Variants in CEP128 observed in about 807,000 individuals in gnomAD.
CEP128 encodes centrosomal protein 128kDa.
CEP128 carries 132 observed loss-of-function variants against 156.7 expected under a neutral mutation model. The observed-to-expected ratio is 0.84, with a 90% CI of 0.73 to 0.97. CEP128 has a LOEUF of 0.97. CEP128 is among the 50% of genes least tolerant of loss of function. The pLI, the probability that CEP128 is intolerant of heterozygous loss-of-function variation, is 0.00. For missense variants in CEP128, 1,252 were observed against 1,281.9 expected (o/e 0.98, Z 0.36); for synonymous variants, 469 against 448.9 (o/e 1.04, Z -0.57).
At chr14:80,766,334 A>AAC (rs1285959010) in intron 16 of CEP128, among the ~76,000 whole-genome samples, 7 of 152,102 alleles carry the variant, frequency 4.6e-5, no homozygotes, top group African/African-American at 1.4e-4. Context: ...TCTCATGATA[A>AAC]ACACACACAC....
chr14:80,866,178 G>C (rs1887758810), intron 8 of CEP128, among the ~76,000 whole-genome samples: 1 of 151,972 alleles, frequency 6.6e-6, no homozygotes, highest in South Asian at 2.1e-4. Flanking sequence ...CACAGGCTCT[G>C]GGCCTTCCCC....
At position 80,810,697 on chromosome 14, in the gene CEP128, C is replaced by CTTTGGGAAGA. The variant is rs1305249999; in HGVS notation, c.1210-17597_1210-17588dup. On this transcript the variant is annotated intron_variant, in intron 13 of 24. Transcript: ENST00000555265. ...GCCACCTCTTCAGTTTTTAAAAATA[C>CTTTGGGAAGA]TTTGGGAAGATTGGTATTAGTTCTC... Among the ~76,000 whole-genome samples, 36 of 152,194 alleles carry CTTTGGGAAGA rather than the reference C, an allele frequency of 2.4e-4. No individual in the cohort carries two copies. In the East Asian group the frequency reaches 6.6e-3, roughly 28 times the overall value.
intron 13 of CEP128, among the ~76,000 whole-genome samples, chr14:80,826,633 T>C (rs1885496551): frequency 6.6e-6 from 1 of 152,154 alleles, no homozygotes; most frequent in African/African-American, 2.4e-5. Context: ...TTCTTTTTTA[T>C]ACCATCCTCT....
intron 9 of CEP128, among the ~76,000 whole-genome samples, chr14:80,856,648 C>T (rs891988992): frequency 8.7e-5 from 13 of 149,664 alleles, no homozygotes; most frequent in African/African-American, 2.7e-4. Flanking sequence ...CATAAAAGTG[C>T]TCTGGAGTGT....
At chr14:80,556,759 G>C (rs1188870722) in intron 21 of CEP128, among the ~76,000 whole-genome samples, 1 of 152,144 alleles carries the variant, frequency 6.6e-6, no homozygotes, top group African/African-American at 2.4e-5. Flanking sequence ...CTTCTGTACT[G>C]TTAATAACAA....
At chr14:80,955,608 G>T in intron 2 of CEP128, 1 of 1,593,090 alleles carries the variant, frequency 6.3e-7, no homozygotes, top group East Asian at 2.2e-5. Flanking sequence ...TTTGGCCTGG[G>T]GTAACCCGAG....
At chr14:80,637,785 T>C (rs977184917) in intron 19 of CEP128, among the ~76,000 whole-genome samples, 1 of 152,162 alleles carries the variant, frequency 6.6e-6, no homozygotes, top group Non-Finnish European at 1.5e-5. Context: ...TTGGGCACCA[T>C]ATGTCATCCC....
In CEP128 at chr14:80,892,049, T is replaced by G. The variant is rs1449761737; in HGVS notation, c.645+3669A>C. On this transcript the variant is annotated intron_variant, in intron 8 of 24. Transcript: ENST00000555265. The stretch of plus-strand genomic sequence containing the variant: ...CATATCAAAATCCTAATGGCATTCC[T>G]CACAGGAAAAAAAAAAAATCCTAAA... 2.7e-5 allele frequency among the ~76,000 whole-genome samples: 4 copies of G among 150,200 alleles called. No individual in the cohort carries two copies. In the East Asian group the frequency reaches 7.8e-4, roughly 29 times the overall value.
intron 9 of CEP128, among the ~76,000 whole-genome samples, chr14:80,851,058 G>T (rs182838677): frequency 2.4e-3 from 365 of 152,198 alleles, no homozygotes; most frequent in Admixed American, 4.7e-3. Flanking sequence ...GTAACACAAG[G>T]TATAAAAATC....
chr14:80,926,284 G>A (rs1209924168), intron 2 of CEP128, among the ~76,000 whole-genome samples: 1 of 152,148 alleles, frequency 6.6e-6, no homozygotes, highest in African/African-American at 2.4e-5. Flanking sequence ...TTTGAGGGCT[G>A]CCTGGAACCC....
intron 18 of CEP128, among the ~76,000 whole-genome samples, chr14:80,753,812 G>C (rs539745846): frequency 1.3e-4 from 20 of 152,240 alleles, no homozygotes; most frequent in African/African-American, 4.8e-4. Flanking sequence ...ACCAATCCCT[G>C]ACTACTTTGG....
intron 19 of CEP128, among the ~76,000 whole-genome samples, chr14:80,740,350 T>C (rs1898749082): frequency 6.6e-6 from 1 of 151,864 alleles, no homozygotes; most frequent in African/African-American, 2.4e-5. Flanking sequence ...CTGTCAAAAA[T>C]TCATTAAGGC....
At chr14:80,899,892 C>T (rs752968643) in intron 7 of CEP128, 46 bp downstream of exon 7, 8 of 1,279,348 alleles carry the variant, frequency 6.3e-6, no homozygotes, top group Admixed American at 1.8e-5. Context: ...CTAATTTATT[C>T]TCCTCATAAT....
chr14:80,828,554 T>A (rs562532682), intron 13 of CEP128, among the ~76,000 whole-genome samples: 1 of 152,248 alleles, frequency 6.6e-6, no homozygotes, highest in East Asian at 1.9e-4. Context: ...GCTGATTTAA[T>A]CCAATTCCAC....
chr14:80,636,998 A>C (rs1894209436), intron 19 of CEP128, among the ~76,000 whole-genome samples: 1 of 151,998 alleles, frequency 6.6e-6, no homozygotes, highest in Non-Finnish European at 1.5e-5. Context: ...AGGCAGGAGA[A>C]TCGCTTGAAC....
At chr14:80,543,720 A>G (rs1594975737) in intron 21 of CEP128, among the ~76,000 whole-genome samples, 1 of 152,164 alleles carries the variant, frequency 6.6e-6, no homozygotes, top group Non-Finnish European at 1.5e-5. Flanking sequence ...TCCCTGCCCA[A>G]ATGAAAGCCA....
At chr14:80,664,047 C>A (rs1233851777) in intron 19 of CEP128, among the ~76,000 whole-genome samples, 2 of 152,214 alleles carry the variant, frequency 1.3e-5, no homozygotes, top group Non-Finnish European at 2.9e-5. Flanking sequence ...GATACTAAAT[C>A]AATTTTCTCA....
At chr14:80,805,989 G>A (rs1052825148) in intron 13 of CEP128, among the ~76,000 whole-genome samples, 4 of 152,160 alleles carry the variant, frequency 2.6e-5, no homozygotes, top group Admixed American at 6.5e-5. Context: ...AATTCTTAAT[G>A]AGTGAATTAG....
intron 15 of CEP128, among the ~76,000 whole-genome samples, chr14:80,781,429 C>A (rs1486257474): frequency 2.1e-5 from 3 of 142,026 alleles, no homozygotes; most frequent in African/African-American, 7.8e-5. Context: ...TGCACTCCAG[C>A]CTGGTGACAG....
Sources: gnomAD v4.1 joint callset for allele counts (sites outside exome capture counted in the v4.1 genomes callset) on GRCh38, gnomAD v4.1.1 for gene constraint, MANE v1.5 for transcripts, NCBI Gene and HGNC (gene_info 2026-07-23, HGNC 2026-07-21) for gene names.